LIFR: variants seen among roughly 807,000 people sequenced by gnomAD.
LIFR encodes the protein leukemia inhibitory factor receptor.
A neutral mutation model predicts 122.2 loss-of-function variants in LIFR; 84 were observed. The ratio of observed to expected loss-of-function variants is 0.69; its 90% CI spans 0.58 to 0.82. LIFR has a LOEUF of 0.82. Among genes scored for constraint, LIFR ranks in the 40% least tolerant of loss-of-function variants. The pLI, the probability that LIFR is intolerant of heterozygous loss-of-function variation, is 0.00. For synonymous variants in LIFR, 422 were observed against 434.7 expected (o/e 0.97, Z 0.36); for missense variants, 1,294 against 1,311.6 (o/e 0.99, Z 0.21).
In LIFR at chr5:38,480,821, AAAT is replaced by A. The variant is rs1220795635; in HGVS notation, c.*771_*773del. The A allele has an allele frequency of 3.7e-5, 8 of 214,730 alleles. No homozygotes were observed. Among genetic ancestry groups the A allele is most frequent in the Non-Finnish European group, 6.6e-5 (7 of 106,382 alleles). 13.3% of individuals were successfully genotyped at this position (214,730 alleles called of 1,614,324 possible). A position where few individuals can be genotyped will look rare whatever the true frequency, so the allele number is the denominator to read the frequency against. ...CTCTAGTCTTAGAAGTGTAAATTTT[AAAT>A]ATTAGGGCAACCAACTGAAATAATG... is the stretch of plus-strand genomic sequence containing the variant. On this transcript the variant is annotated 3_prime_UTR_variant, in exon 20 of 20. Transcript: ENST00000453190.
chr5:38,587,449 A>C (rs1474915847), intron 1 of LIFR, among the ~76,000 whole-genome samples: 7 of 151,750 alleles, frequency 4.6e-5, no homozygotes, highest in Non-Finnish European at 8.8e-5. Context: ...CCCAGGAGCA[A>C]GAAAGAGTCA....
intron 9 of LIFR, among the ~76,000 whole-genome samples, 189 bp downstream of exon 9, chr5:38,505,716 T>G (rs1745437040): frequency 6.6e-6 from 1 of 152,130 alleles, no homozygotes; most frequent in South Asian, 2.1e-4. Context: ...ATTCAAGTAT[T>G]TAAATTCAAT....
Position 38,510,447 on chromosome 5 carries a change from T to TA in LIFR, c.991+16dup. On this transcript the variant is annotated intron_variant, in intron 7 of 19. Coordinates refer to ENST00000453190, the MANE Select transcript of LIFR (RefSeq NM_001127671.2). ...AACAGGTTAATAGGAATTCTCTCTT[T>TA]AAAATCATATACTTACATCCAGCAA... is the stretch of plus-strand genomic sequence containing the variant. 6.2e-7 allele frequency: 1 copy of TA among 1,611,490 alleles called. No individual in the cohort carries two copies. Among genetic ancestry groups the TA allele is most frequent in the Non-Finnish European group, 8.5e-7 (1 of 1,179,240 alleles).
intron 1 of LIFR, among the ~76,000 whole-genome samples, chr5:38,550,458 GCTAAGATGT>G (rs1748142671): frequency 6.6e-6 from 1 of 152,196 alleles, no homozygotes; most frequent in South Asian, 2.1e-4. Flanking sequence ...AAGGTACCAA[GCTAAGATGT>G]AAAACACTGC....
chr5:38,507,905 T>C (rs1745585877), intron 7 of LIFR, among the ~76,000 whole-genome samples: 1 of 152,156 alleles, frequency 6.6e-6, no homozygotes, highest in African/African-American at 2.4e-5. Flanking sequence ...TTAATGAGTG[T>C]TTATATGAGA....
At chr5:38,545,172 AG>A (rs1437900085) in intron 1 of LIFR, among the ~76,000 whole-genome samples, 1 of 152,018 alleles carries the variant, frequency 6.6e-6, no homozygotes, top group East Asian at 1.9e-4. Context: ...CAGGAGGCTG[AG>A]ACAGGAGACT....
intron 9 of LIFR, among the ~76,000 whole-genome samples, chr5:38,504,878 G>A (rs1745377510): frequency 6.6e-6 from 1 of 152,166 alleles, no homozygotes; most frequent in Admixed American, 6.6e-5. Flanking sequence ...TAAGGCAACA[G>A]GATCATCTAC....
At chr5:38,570,193 G>C (rs1241717483) in intron 1 of LIFR, among the ~76,000 whole-genome samples, 1 of 151,600 alleles carries the variant, frequency 6.6e-6, no homozygotes, top group African/African-American at 2.4e-5. Context: ...GCTATGGTTA[G>C]GATTAAATGA....
intron 1 of LIFR, among the ~76,000 whole-genome samples, chr5:38,607,317 A>T: frequency 6.6e-6 from 1 of 152,206 alleles, no homozygotes; most frequent in East Asian, 1.9e-4. Flanking sequence ...TCATCTAAGA[A>T]AGGTCCTTAT....
At chr5:38,524,625 C>G (rs187930993) in intron 4 of LIFR, among the ~76,000 whole-genome samples, 235 of 152,288 alleles carry the variant, frequency 1.5e-3, no homozygotes, top group African/African-American at 5.3e-3. Flanking sequence ...AATCGGGAAT[C>G]ACTGTGAAGA....
At chr5:38,576,457 C>T (rs1377061264) in intron 1 of LIFR, among the ~76,000 whole-genome samples, 1 of 152,140 alleles carries the variant, frequency 6.6e-6, no homozygotes, top group Admixed American at 6.5e-5. Flanking sequence ...ACATCCAGAG[C>T]CAGATAATTT....
At chr5:38,595,725 GTC>G (rs1210848208), upstream of LIFR, among the ~76,000 whole-genome samples, 4 of 125,064 alleles carry the variant, frequency 3.2e-5, no homozygotes, top group African/African-American at 8.6e-5. Flanking sequence ...ACCACAATAG[GTC>G]TTTTTTTTTT....
chr5:38,511,815 G>A lies in LIFR; in HGVS notation c.711C>T (p.Asp237=), dbSNP rs369228814. The A allele has an allele frequency of 1.9e-6, 3 of 1,613,914 alleles. No homozygotes were observed. Among genetic ancestry groups the A allele is most frequent in the African/African-American group, 2.7e-5 (2 of 74,896 alleles). Residue 237 remains aspartate, a synonymous_variant, in exon 6 of 20, where the codon GAC becomes GAT. Coordinates refer to ENST00000453190, the MANE Select transcript of LIFR (RefSeq NM_001127671.2). ...AAGAAATGTTCTTCACAGGGCTCCA[G>A]TCACTCCACTCTTCGAGACCAGAAA... ...LHFSGLEEWS[D]WSPVKNISWI... is the part of the protein sequence containing the mutation.
chr5:38,545,411 T>C (rs1747825611), intron 1 of LIFR, among the ~76,000 whole-genome samples: 1 of 152,182 alleles, frequency 6.6e-6, no homozygotes, highest in African/African-American at 2.4e-5. Context: ...GAAATTAATC[T>C]AGAAGGATAT....
intron 13 of LIFR, 46 bp from the exon 14 acceptor site, chr5:38,493,831 T>C (rs1457031294): frequency 6.7e-7 from 1 of 1,490,992 alleles, no homozygotes; most frequent in Non-Finnish European, 9.4e-7. Flanking sequence ...AAAACAATAA[T>C]ATAAGGCAAA....
At chr5:38,509,136 CTGAAATAA>C (rs1745657201) in intron 7 of LIFR, among the ~76,000 whole-genome samples, 1 of 152,144 alleles carries the variant, frequency 6.6e-6, no homozygotes, top group Non-Finnish European at 1.5e-5. Flanking sequence ...ACAACACTGT[CTGAAATAA>C]CACAAATGGA....
rs114058296 is a variant in LIFR, at chr5:38,527,949, C to T, written c.258-655G>A. On this transcript the variant is annotated intron_variant, in intron 3 of 19. Transcript: ENST00000453190. ...ACTTTCCATGCCTCTTGCATTCCTG[C>T]CCCCACCAACTACCCAGCCCCAGCC... is the stretch of plus-strand genomic sequence containing the variant. 7.3e-3 allele frequency among the ~76,000 whole-genome samples: 1,107 copies of T among 152,266 alleles called. 17 individuals carry two copies. The highest frequency in any genetic ancestry group is 0.025 in the African/African-American group (1,055 of 41,554).
chr5:38,527,090 G>C, intron 4 of LIFR, 65 bp downstream of exon 4: 1 of 1,412,310 alleles, frequency 7.1e-7, no homozygotes, highest in Non-Finnish European at 9.6e-7. Context: ...AAACTAGAAA[G>C]CACCACAATA....
chr5:38,562,780 G>A (rs955213318), intron 1 of LIFR, among the ~76,000 whole-genome samples: 5 of 152,110 alleles, frequency 3.3e-5, no homozygotes, highest in African/African-American at 9.7e-5. Context: ...TCAATATTAT[G>A]TACAAAACCA....
Sources: gnomAD v4.1 joint callset for allele counts (sites outside exome capture counted in the v4.1 genomes callset) on GRCh38, gnomAD v4.1.1 for gene constraint, MANE v1.5 for transcripts, NCBI Gene and HGNC (gene_info 2026-07-23, HGNC 2026-07-21) for gene names.